ADAMTSL1: variants seen among roughly 807,000 people sequenced by gnomAD.
ADAMTSL1 encodes ADAMTS-like protein 1.
Under a neutral mutation model 201.8 loss-of-function variants are expected in ADAMTSL1, and 126 were observed. The ratio of observed to expected loss-of-function variants is 0.62; its 90% confidence interval spans 0.54 to 0.72. The LOEUF is 0.72. Among genes scored for constraint, ADAMTSL1 ranks in the 30% least tolerant of loss-of-function variants. The probability of loss-of-function intolerance (pLI) is 0.00; values close to 1 mark genes in which losing one functional copy is unlikely to be tolerated. For missense variants in ADAMTSL1, 2,679 were observed against 2,277.8 expected (o/e 1.18, Z -3.59); for synonymous variants, 1,121 against 903.4 (o/e 1.24, Z -4.32).
At position 18,300,155 on chromosome 9, in the gene ADAMTSL1, T is replaced by C. The variant is rs575330513; in HGVS notation, c.207+136174T>C. On this transcript the variant is annotated intron_variant, in intron 2 of 29. Transcript: ENST00000680146. ...TAAATCATGCTGCTATAAAGACACA[T>C]GCACATGTATGTTTATTGCAGCACT... Among the ~76,000 whole-genome samples, 7 of 152,304 alleles carry C rather than the reference T, an allele frequency of 4.6e-5. No individual in the cohort carries two copies. In the East Asian group the frequency reaches 1.2e-3, roughly 25 times the overall value.
intron 1 of ADAMTSL1, among the ~76,000 whole-genome samples, chr9:18,057,580 G>C (rs939955571): frequency 6.6e-6 from 1 of 152,142 alleles, no homozygotes; most frequent in Admixed American, 6.5e-5. Context: ...TTTAGTACTT[G>C]GTTAGAACGA....
chr9:18,695,277 G>T (rs752744920), intron 13 of ADAMTSL1, among the ~76,000 whole-genome samples: 1 of 152,212 alleles, frequency 6.6e-6, no homozygotes, highest in African/African-American at 2.4e-5. Flanking sequence ...TCTCTGAAAT[G>T]CCTTCAAGGG....
chr9:18,290,957 A>G (rs1833234941), intron 2 of ADAMTSL1, among the ~76,000 whole-genome samples: 1 of 151,720 alleles, frequency 6.6e-6, no homozygotes, highest in Non-Finnish European at 1.5e-5. Context: ...AATTTTTTGT[A>G]TATTTAGTAG....
intron 1 of ADAMTSL1, among the ~76,000 whole-genome samples, chr9:18,481,875 T>C (rs1273008291): frequency 6.6e-6 from 1 of 152,230 alleles, no homozygotes; most frequent in South Asian, 2.1e-4. Context: ...ATTACCATTA[T>C]GTGTGACCAA....
intron 2 of ADAMTSL1, among the ~76,000 whole-genome samples, chr9:18,463,906 C>A (rs1380397869): frequency 6.6e-6 from 1 of 152,140 alleles, no homozygotes; most frequent in East Asian, 1.9e-4. Flanking sequence ...TATGGCAATT[C>A]TATGTTTAAT....
chr9:18,088,492 A>G (rs1409701302), intron 1 of ADAMTSL1, among the ~76,000 whole-genome samples: 1 of 152,200 alleles, frequency 6.6e-6, no homozygotes, highest in Non-Finnish European at 1.5e-5. Flanking sequence ...TTTACAAATT[A>G]TATATTCGAT....
rs148684811 is a variant in ADAMTSL1, at chr9:18,903,789, C to T, written c.4852-1993C>T. Among the ~76,000 whole-genome samples, 858 of 151,984 alleles carry T rather than the reference C, an allele frequency of 5.6e-3. 7 individuals are homozygous for T. The highest frequency in any genetic ancestry group is 0.025 in the South Asian group (120 of 4,798). ...AAGTCCTGCAGTCAATCTCACAGAA[C>T]CCGCATATACAAAAAGTTGGCCCTC... On this transcript the variant is annotated intron_variant, in intron 26 of 28. Coordinates refer to ENST00000380548, the MANE Select transcript of ADAMTSL1 (RefSeq NM_001040272.6).
chr9:18,718,361 C>G, intron 14 of ADAMTSL1: 1 of 724,962 alleles, frequency 1.4e-6, no homozygotes, highest in South Asian at 1.4e-5. Flanking sequence ...CTGCAGTATC[C>G]AAGATTGCAA....
At chr9:18,230,956 C>T (rs979508861) in intron 2 of ADAMTSL1, among the ~76,000 whole-genome samples, 1 of 152,078 alleles carries the variant, frequency 6.6e-6, no homozygotes, top group African/African-American at 2.4e-5. Flanking sequence ...TTTTCTCATG[C>T]CCCAAGAGGA....
chr9:18,135,510 G>A (rs373545225), intron 1 of ADAMTSL1, among the ~76,000 whole-genome samples: 1 of 152,168 alleles, frequency 6.6e-6, no homozygotes, highest in African/African-American at 2.4e-5. Flanking sequence ...CAGAAATGTA[G>A]GACTGCCAGG....
chr9:18,396,973 T>C (rs1817778375), intron 2 of ADAMTSL1, among the ~76,000 whole-genome samples: 1 of 149,532 alleles, frequency 6.7e-6, no homozygotes, highest in Non-Finnish European at 1.5e-5. Context: ...CTTTATATCG[T>C]AACATTGATC....
intron 2 of ADAMTSL1, among the ~76,000 whole-genome samples, chr9:18,207,349 A>T (rs1359403930): frequency 6.6e-6 from 1 of 152,158 alleles, no homozygotes; most frequent in African/African-American, 2.4e-5. Context: ...GTCTTATAAT[A>T]TGGTATCTCA....
intron 14 of ADAMTSL1, among the ~76,000 whole-genome samples, chr9:18,714,459 T>C (rs898907184): frequency 1.3e-5 from 2 of 152,168 alleles, no homozygotes; most frequent in Non-Finnish European, 2.9e-5. Context: ...CAGAGAATAC[T>C]ACAAACACCT....
At chr9:18,437,963 CCTGT>C (rs775496375) in intron 2 of ADAMTSL1, among the ~76,000 whole-genome samples, 126 of 152,242 alleles carry the variant, frequency 8.3e-4, no homozygotes, top group Non-Finnish European at 1.6e-3. Context: ...CTTATACACC[CCTGT>C]CTGCTAATGC....
Position 18,680,316 on chromosome 9 carries a change from G to C in ADAMTSL1, c.1141G>C (p.Glu381Gln), listed in dbSNP as rs988471562. 9 of 1,614,008 alleles carry C rather than the reference G, an allele frequency of 5.6e-6. No individual in the cohort carries two copies. The highest frequency in any genetic ancestry group is 7.6e-6 in the Non-Finnish European group (9 of 1,179,982). ...YDLYHPLPRW[E>Q]ATPWTACSSS... ...TGACTCCCCTTGCTTCTGTAGGTGG[G>C]AGGCCACCCCATGGACCGCGTGCTC... Residue 381 changes from glutamate (E) to glutamine (Q), a missense_variant, in exon 11 of 29, where the codon GAG (glutamate) becomes CAG (glutamine). Physicochemically the swap from Glu to Gln is conservative, Grantham distance 29. Coordinates refer to ENST00000380548, the MANE Select transcript of ADAMTSL1 (RefSeq NM_001040272.6).
chr9:18,661,719 A>G (rs1829105522), intron 8 of ADAMTSL1, among the ~76,000 whole-genome samples: 1 of 152,202 alleles, frequency 6.6e-6, no homozygotes, highest in African/African-American at 2.4e-5. Context: ...CTAATTATAT[A>G]ATGTAATTAT....
In ADAMTSL1 at chr9:18,246,891, G is replaced by A. The variant is rs1257199229; in HGVS notation, c.207+82910G>A. ...TGTAATAAATATATGGTGTGGAGAG[G>A]AGATTTTCTGACTGATAAATGCAAG... On this transcript the variant is annotated intron_variant, in intron 2 of 29. Transcript: ENST00000680146. 2.0e-5 allele frequency among the ~76,000 whole-genome samples: 3 copies of A among 152,098 alleles called. No homozygotes were observed. In the East Asian group the frequency reaches 5.8e-4, roughly 29 times the overall value.
rs572629774 is a variant in ADAMTSL1 at position 18,776,796 on chromosome 9, C to A, written c.2567C>A (p.Ser856Tyr). Reference sequence around the variant, plus strand: ...CTCCTTCCAGGGCCCGGGCGGCCATCCACGAAGCACAGCCCGCACATCGCG... The same window carrying A: ...CTCCTTCCAGGGCCCGGGCGGCCATACACGAAGCACAGCCCGCACATCGCG... ...LATCARPGRP[S>Y]TKHSPHIAAA... Residue 856 changes from serine to tyrosine, a missense_variant, in exon 19 of 29, where the codon TCC becomes TAC. Ser to Tyr is a moderately radical substitution (Grantham distance 144, BLOSUM62 -2). Coordinates refer to ENST00000380548, the MANE Select transcript of ADAMTSL1 (RefSeq NM_001040272.6). 3.9e-6 allele frequency: 6 copies of A among 1,553,846 alleles called. No homozygotes were observed. The African/African-American group carries it at 8.2e-5, about 21-fold the overall frequency.
At chr9:18,187,251 T>A (rs1404014639) in intron 2 of ADAMTSL1, among the ~76,000 whole-genome samples, 1 of 152,072 alleles carries the variant, frequency 6.6e-6, no homozygotes, top group Admixed American at 6.6e-5. Context: ...TGGAGTACAG[T>A]CCTTATAGAT....
Sources: allele counts gnomAD v4.1 joint callset (sites outside exome capture counted in the v4.1 genomes callset), GRCh38; gene constraint gnomAD v4.1.1; transcripts MANE v1.5; gene names NCBI Gene and HGNC (gene_info 2026-07-23, HGNC 2026-07-21).